Variants in TASP1 observed in about 807,000 individuals in gnomAD.
TASP1 encodes taspase 1.
A neutral mutation model predicts 56.6 loss-of-function variants in TASP1; 16 were observed. That is an observed-to-expected ratio of 0.28 (90% CI 0.19 to 0.43). The LOEUF (loss-of-function observed/expected upper bound fraction) is 0.43, where lower values mean the gene tolerates loss of function less well. Among genes scored for constraint, TASP1 ranks in the 20% least tolerant of loss-of-function variants. TASP1 has a pLI of 1.00. For synonymous variants in TASP1, 179 were observed against 184.2 expected (o/e 0.97, Z 0.23); for missense variants, 393 against 511.6 (o/e 0.77, Z 2.24).
chr20:13,568,630 T>C (rs1036803792), intron 7 of TASP1, among the ~76,000 whole-genome samples: 1 of 152,186 alleles, frequency 6.6e-6, no homozygotes, highest in African/African-American at 2.4e-5. Flanking sequence ...TATTTACTCA[T>C]ATTCCTGTGT....
chr20:13,393,494 G>A (rs1568739768), intron 13 of TASP1: 1 of 781,494 alleles, frequency 1.3e-6, no homozygotes, highest in East Asian at 2.5e-5. Flanking sequence ...AGGGCATCCT[G>A]GACTACACTG....
At chr20:13,240,991 G>A in the TASP1 span, among the ~76,000 whole-genome samples, 1 of 152,210 alleles carries the variant, frequency 6.6e-6, no homozygotes, top group African/African-American at 2.4e-5. Context: ...GGAGCTGAGA[G>A]TGAGGTGTCA....
intron 11 of TASP1, among the ~76,000 whole-genome samples, chr20:13,441,885 T>G (rs1209826528): frequency 6.6e-6 from 1 of 152,146 alleles, no homozygotes; most frequent in African/African-American, 2.4e-5. Context: ...AAACAGAGAC[T>G]TCAAAGTTTA....
At chr20:13,346,689 G>A in the TASP1 span, among the ~76,000 whole-genome samples, 5 of 152,220 alleles carry the variant, frequency 3.3e-5, no homozygotes, top group Non-Finnish European at 5.9e-5. Context: ...TTTGAAACTG[G>A]CGGCCCCAGA....
chr20:13,255,063 T>G, the TASP1 span, among the ~76,000 whole-genome samples: 1 of 152,142 alleles, frequency 6.6e-6, no homozygotes, highest in East Asian at 1.9e-4. Flanking sequence ...AGAAAGCCCA[T>G]AAATAGAATA....
intron 11 of TASP1, among the ~76,000 whole-genome samples, chr20:13,466,580 A>G (rs1387741943): frequency 1.3e-5 from 2 of 152,260 alleles, no homozygotes; most frequent in East Asian, 3.9e-4. Context: ...CCCCGTCACC[A>G]CTAAAAATAC....
At chr20:13,343,883 G>C in the TASP1 span, among the ~76,000 whole-genome samples, 1 of 146,696 alleles carries the variant, frequency 6.8e-6, no homozygotes, top group African/African-American at 2.6e-5. Context: ...TCCCAAACCT[G>C]ACTGGGCAGC....
At chr20:13,338,926 T>TG in the TASP1 span, among the ~76,000 whole-genome samples, 1 of 151,942 alleles carries the variant, frequency 6.6e-6, no homozygotes, top group Non-Finnish European at 1.5e-5. Flanking sequence ...CAAACACACA[T>TG]GCACACACAA....
At chr20:13,216,079 T>C in the TASP1 span, among the ~76,000 whole-genome samples, 1 of 152,224 alleles carries the variant, frequency 6.6e-6, no homozygotes, top group Non-Finnish European at 1.5e-5. Flanking sequence ...TTTCATTCAT[T>C]GAATAGATAT....
chr20:13,458,623 G>A lies in TASP1; in HGVS notation c.986-23469C>T, dbSNP rs982933042. 5.3e-5 allele frequency among the ~76,000 whole-genome samples: 8 copies of A among 152,044 alleles called. No homozygotes were observed. In the East Asian group the frequency reaches 1.5e-3, roughly 29 times the overall value. On this transcript the variant is annotated intron_variant, in intron 11 of 13. Coordinates refer to ENST00000337743, the MANE Select transcript of TASP1 (RefSeq NM_017714.3). ...CCCAAAGTGCTGAGATTACAGGCAT[G>A]AGCCACCACTCCTGGCCCATAGTTA... is the stretch of plus-strand genomic sequence containing the variant.
At chr20:13,237,732 G>C in the TASP1 span, 1 of 152,196 alleles carries the variant, frequency 6.6e-6, no homozygotes, top group Non-Finnish European at 1.5e-5. Context: ...AAAGAGTAAA[G>C]AATGCAGCAG....
the TASP1 span, among the ~76,000 whole-genome samples, chr20:13,277,429 C>T: frequency 9.3e-6 from 1 of 108,060 alleles, no homozygotes; most frequent in Non-Finnish European, 2.0e-5. Flanking sequence ...GATGGGGCTG[C>T]AGAGAAGAAA....
intron 7 of TASP1, among the ~76,000 whole-genome samples, chr20:13,567,767 G>C (rs1477690482): frequency 6.6e-6 from 1 of 152,124 alleles, no homozygotes; most frequent in Non-Finnish European, 1.5e-5. Context: ...TACTGAATAA[G>C]GAATAAAACA....
chr20:13,222,729 T>C, the TASP1 span, among the ~76,000 whole-genome samples: 5 of 152,224 alleles, frequency 3.3e-5, no homozygotes, highest in African/African-American at 1.2e-4. Flanking sequence ...GACTTAGGAA[T>C]AGAATTGCCC....
chr20:13,311,232 A>AGATAGATAGATAGATAGATAGAT, the TASP1 span, among the ~76,000 whole-genome samples: 26 of 115,578 alleles, frequency 2.2e-4, no homozygotes, highest in African/African-American at 8.0e-4. Context: ...ATAGATAGAT[A>AGATAGATAGATAGATAGATAGAT]GATAGATAGA....
chr20:13,338,709 A>G, the TASP1 span, among the ~76,000 whole-genome samples: 1 of 151,818 alleles, frequency 6.6e-6, no homozygotes. Flanking sequence ...CACGTCTTGG[A>G]CTTGCTTGAA....
At chr20:13,333,799 C>T in the TASP1 span, among the ~76,000 whole-genome samples, 1 of 152,220 alleles carries the variant, frequency 6.6e-6, no homozygotes. Context: ...ATGCATCACA[C>T]ACTTACTTTC....
At chr20:13,455,607 T>G (rs746414417) in intron 11 of TASP1, among the ~76,000 whole-genome samples, 6 of 152,102 alleles carry the variant, frequency 3.9e-5, no homozygotes, top group Non-Finnish European at 5.9e-5. Flanking sequence ...ACAAATGCAT[T>G]ACTCATTCTA....
At chr20:13,441,826 C>A (rs1454185029) in intron 11 of TASP1, among the ~76,000 whole-genome samples, 1 of 152,042 alleles carries the variant, frequency 6.6e-6, no homozygotes, top group Non-Finnish European at 1.5e-5. Context: ...ATATATTCTG[C>A]AAGTAGAACT....
Sources: gnomAD v4.1 joint callset for allele counts (sites outside exome capture counted in the v4.1 genomes callset) on GRCh38, gnomAD v4.1.1 for gene constraint, MANE v1.5 for transcripts, NCBI Gene and HGNC (gene_info 2026-07-23, HGNC 2026-07-21) for gene names.